Variants in CSMD2 observed in about 807,000 individuals in gnomAD.
CSMD2 encodes CUB and Sushi multiple domains 2.
A neutral mutation model predicts 398.5 loss-of-function variants in CSMD2; 130 were observed. The ratio of observed to expected loss-of-function variants is 0.33; its 90% CI spans 0.28 to 0.38. The LOEUF (loss-of-function observed/expected upper bound fraction) is 0.38, where lower values mean the gene tolerates loss of function less well. CSMD2 is among the 10% of genes least tolerant of loss of function. The probability of loss-of-function intolerance (pLI) is 1.00; values close to 1 mark genes in which losing one functional copy is unlikely to be tolerated. For missense variants in CSMD2, 3,829 were observed against 4,764.9 expected, an observed-to-expected ratio of 0.80 and a Z score of 5.78; for synonymous variants, 1,828 against 1,908.5, an observed-to-expected ratio of 0.96 and a Z score of 1.10.
chr1:33,605,239 G>T (rs368497440), intron 42 of CSMD2, 43 bp downstream of exon 42: 1 of 1,577,256 alleles, frequency 6.3e-7, no homozygotes, highest in Admixed American at 1.7e-5. Context: ...CAGTCTCCAC[G>T]AGTACCCCAG....
At chr1:33,896,966 A>G (rs1642430791) in intron 5 of CSMD2, among the ~76,000 whole-genome samples, 1 of 151,916 alleles carries the variant, frequency 6.6e-6, no homozygotes, top group African/African-American at 2.4e-5. Context: ...GAAGGGAATA[A>G]GAGGGAGGGT....
chr1:33,544,109 T>A (rs1418247139), intron 57 of CSMD2, among the ~76,000 whole-genome samples: 4 of 144,368 alleles, frequency 2.8e-5, no homozygotes, highest in Non-Finnish European at 6.1e-5. Flanking sequence ...TGTCTTTTTT[T>A]TTTTTTTTTT....
In CSMD2 at chr1:33,521,990, C is replaced by A. The variant is rs183984838; in HGVS notation, c.10510-440G>T. 3.0e-3 allele frequency among the ~76,000 whole-genome samples: 454 copies of A among 152,282 alleles called. 3 individuals carry two copies. Among genetic ancestry groups the A allele is most frequent in the Middle Eastern group, 6.8e-3 (2 of 294 alleles). On this transcript the variant is annotated intron_variant, in intron 67 of 70. Coordinates refer to ENST00000373381, the MANE Select transcript of CSMD2 (RefSeq NM_001281956.2). ...TTGGAGCATTATGGAACACACAGAACCATGCTGAAAATGTCCCTTGCAGAT... is the reference window on the plus strand; with the variant it reads ...TTGGAGCATTATGGAACACACAGAAACATGCTGAAAATGTCCCTTGCAGAT...
chr1:34,135,281 C>T lies in CSMD2; in HGVS notation c.187+29630G>A, dbSNP rs866159257. Among the ~76,000 whole-genome samples the T allele has an allele frequency of 2.1e-4, 32 of 149,776 alleles. 1 individual carries two copies. The South Asian group carries it at 5.2e-3, about 25-fold the overall frequency. On this transcript the variant is annotated intron_variant, in intron 1 of 70. Coordinates refer to ENST00000373381, the MANE Select transcript of CSMD2 (RefSeq NM_001281956.2). ...ACACACACACACACACACACACACA[C>T]ACACAATTATTTTGTTGTGATATTG...
chr1:33,555,670 G>A (rs1277652761), intron 55 of CSMD2, among the ~76,000 whole-genome samples: 1 of 152,166 alleles, frequency 6.6e-6, no homozygotes, highest in African/African-American at 2.4e-5. Context: ...CAACATTGAG[G>A]CAAAGTCTCC....
chr1:34,097,858 T>A (rs1263955415), intron 1 of CSMD2, among the ~76,000 whole-genome samples: 2 of 85,874 alleles, frequency 2.3e-5, no homozygotes, highest in Admixed American at 1.4e-4. Context: ...AGTGTGGCGA[T>A]TCCTCAGGGA....
chr1:33,610,987 G>T (rs1486263679), intron 41 of CSMD2, 54 bp downstream of exon 41: 1 of 1,540,858 alleles, frequency 6.5e-7, no homozygotes, highest in African/African-American at 1.4e-5. Flanking sequence ...GTGGGTGGCT[G>T]GGGCAAGAGA....
At chr1:33,932,414 G>A (rs889102352) in intron 4 of CSMD2, among the ~76,000 whole-genome samples, 4 of 152,144 alleles carry the variant, frequency 2.6e-5, no homozygotes, top group African/African-American at 9.7e-5. Flanking sequence ...CAGTGAAGGA[G>A]AAGGAGGGAA....
In CSMD2 at chr1:33,624,919, C is replaced by T. The variant is rs951344030; in HGVS notation, c.5500+132G>A. On this transcript the variant is annotated intron_variant, in intron 34 of 70. Coordinates refer to ENST00000373381, the MANE Select transcript of CSMD2 (RefSeq NM_001281956.2). This position sits in a 1 kb window ranked among gnomAD's most constrained non-coding sequence, Gnocchi z 4.7. ...CGGGGACTGGGGTTGACTGGGACAC[C>T]CCACCTCAGCCATGCGGTGGGAAGC... is the stretch of plus-strand genomic sequence containing the variant. 2.0e-6 allele frequency: 2 copies of T among 994,460 alleles called. No homozygotes were observed. Among genetic ancestry groups the T allele is most frequent in the African/African-American group, 1.6e-5 (1 of 62,632 alleles). The allele number at this position is 994,460 out of a possible 1,614,324, so 61.6% of individuals were successfully genotyped here. A position where few individuals can be genotyped will look rare whatever the true frequency, so the allele number is the denominator to read the frequency against.
intron 12 of CSMD2, among the ~76,000 whole-genome samples, chr1:33,781,161 A>C: frequency 6.6e-6 from 1 of 152,208 alleles, no homozygotes; most frequent in East Asian, 1.9e-4. Flanking sequence ...ACTTGCTCTC[A>C]GACTTTATTT....
chr1:33,942,594 C>A (rs1421585865), intron 3 of CSMD2, among the ~76,000 whole-genome samples: 1 of 152,232 alleles, frequency 6.6e-6, no homozygotes, highest in Non-Finnish European at 1.5e-5. Context: ...CCTTCAGCAT[C>A]ATGGTTATGT....
intron 3 of CSMD2, among the ~76,000 whole-genome samples, chr1:34,011,165 G>A (rs1558243303): frequency 6.6e-6 from 1 of 152,206 alleles, no homozygotes; most frequent in Non-Finnish European, 1.5e-5. Context: ...CTCAGGGAGA[G>A]GCTGCCTGTG....
Position 33,546,068 on chromosome 1 carries a change from G to A in CSMD2, c.9069C>T (p.Gly3023=). 1 of 1,614,008 alleles carries A rather than the reference G, an allele frequency of 6.2e-7. No individual in the cohort carries two copies. The highest frequency in any genetic ancestry group is 8.5e-7 in the Non-Finnish European group (1 of 1,179,924). ...ACTCAGGCTGCGAGCCGCTCCACGA[G>A]CCATTGGCTTGACAGGTGCGCTCTG... ...GSSERTCQAN[G]SWSGSQPECG... The change falls in exon 57 of 71, where the codon GGC becomes GGT. Residue 3023 remains glycine (G), a synonymous_variant. Coordinates refer to ENST00000373381, the MANE Select transcript of CSMD2 (RefSeq NM_001281956.2).
chr1:34,138,035 C>G (rs993868128), intron 1 of CSMD2, among the ~76,000 whole-genome samples: 1 of 152,126 alleles, frequency 6.6e-6, no homozygotes, highest in African/African-American at 2.4e-5. Flanking sequence ...AGAAAACATC[C>G]CATTTTCTGA....
chr1:33,723,981 C>T (rs534922577), intron 19 of CSMD2, among the ~76,000 whole-genome samples: 18 of 152,148 alleles, frequency 1.2e-4, no homozygotes, highest in Non-Finnish European at 2.6e-4. Context: ...GCTCTTCCAG[C>T]AGGGAGATTT....
intron 25 of CSMD2, among the ~76,000 whole-genome samples, chr1:33,684,015 G>T (rs1644987025): frequency 6.6e-6 from 1 of 152,200 alleles, no homozygotes; most frequent in African/African-American, 2.4e-5. Context: ...CTTCACTTCT[G>T]GTGCCTTCTG....
intron 32 of CSMD2, among the ~76,000 whole-genome samples, chr1:33,627,838 A>G (rs1468650855): frequency 7.2e-5 from 11 of 152,252 alleles, no homozygotes; most frequent in Non-Finnish European, 5.9e-5. Flanking sequence ...GTGAAACTCA[A>G]CTTTTCTATT....
At chr1:33,920,328 A>G (rs1176521138) in intron 4 of CSMD2, among the ~76,000 whole-genome samples, 1 of 151,408 alleles carries the variant, frequency 6.6e-6, no homozygotes, top group Admixed American at 6.6e-5. Flanking sequence ...CAGGAGTTCA[A>G]TACCAGCTTG....
chr1:34,077,313 CG>C (rs1656512322), intron 2 of CSMD2, among the ~76,000 whole-genome samples: 2 of 148,694 alleles, frequency 1.3e-5, no homozygotes, highest in African/African-American at 5.0e-5. Context: ...AAAAATTAGC[CG>C]GGCGCGGTGG....
Sources: gnomAD v4.1 joint callset for allele counts (sites outside exome capture counted in the v4.1 genomes callset) on GRCh38, gnomAD v4.1.1 for gene constraint, Gnocchi (gnomAD v3.1) non-coding constraint, MANE v1.5 for transcripts, NCBI Gene and HGNC (gene_info 2026-07-23, HGNC 2026-07-21) for gene names.